Variants in C3 observed in about 807,000 individuals in gnomAD.
C3 encodes complement C3, also known as C3 and PZP-like alpha-2-macroglobulin domain-containing protein 1.
In C3, 97 loss-of-function variants were observed where a neutral mutation model predicts 207.9. The ratio of observed to expected loss-of-function variants is 0.47; its 90% CI spans 0.40 to 0.55. The LOEUF (loss-of-function observed/expected upper bound fraction) is 0.55, where lower values mean the gene tolerates loss of function less well. C3 is among the 20% of genes least tolerant of loss of function. C3 has a pLI of 0.00. For missense variants in C3, 1,684 were observed against 2,171.7 expected, an observed-to-expected ratio of 0.78 and a Z score of 4.46; for synonymous variants, 848 against 857.6, an observed-to-expected ratio of 0.99 and a Z score of 0.20.
Position 6,682,286 on chromosome 19 carries a change from C to T in C3, c.4173-57G>A, listed in dbSNP as rs946583070. The T allele has an allele frequency of 5.9e-6, 8 of 1,357,278 alleles. No homozygotes were observed. The African/African-American group carries it at 1.1e-4, about 19-fold the overall frequency. 84.1% of individuals were successfully genotyped at this position (1,357,278 alleles called of 1,614,324 possible). ...CCAAGGAGGGGTCAGCCCCAAGGGT[C>T]TGTTCCTGGACAAGGAGGTCTGATC... On this transcript the variant is annotated intron_variant, in intron 33 of 40. Coordinates refer to ENST00000245907, the MANE Select transcript of C3 (RefSeq NM_000064.4).
rs1568213384 is a variant in C3, at chr19:6,689,318, T to TTCTC, written c.3489+1310_3489+1311insGAGA. Among the ~76,000 whole-genome samples the TTCTC allele has an allele frequency of 1.7e-4, 19 of 111,754 alleles. No homozygotes were observed. The East Asian group carries it at 2.0e-3, about 12-fold the overall frequency. 73.3% of individuals were successfully genotyped at this position (111,754 alleles called of 152,430 possible). ...CCTCTCCTCTCTCTCTCTCTCTCTC[T>TTCTC]CTCTACCTACCTCCCTCCCTCCCTC... On this transcript the variant is annotated intron_variant, in intron 27 of 40. Transcript: ENST00000245907.
chr19:6,707,845 GC>G lies in C3; in HGVS notation c.1929del (p.Leu644Ter). On this transcript the variant is annotated frameshift_variant, in exon 15 of 41. Coordinates refer to ENST00000245907, the MANE Select transcript of C3 (RefSeq NM_000064.4). LOFTEE classifies it high-confidence loss of function. ...KDYAGVFSDA[G>X]LTFTSSSGQQ... ...TGGCCACTGCTGCTCGTGAAGGTCA[GC>G]CCTGCGTCGGAGAAGACACCGGCGT... 6.2e-7 allele frequency: 1 copy of G among 1,613,932 alleles called. No individual in the cohort carries two copies. Among genetic ancestry groups the G allele is most frequent in the Non-Finnish European group, 8.5e-7 (1 of 1,180,010 alleles).
chr19:6,690,044 C>A (rs1363526243), intron 27 of C3, among the ~76,000 whole-genome samples: 1 of 152,086 alleles, frequency 6.6e-6, no homozygotes. Context: ...AGACTCTCAG[C>A]GGCCCATCTT....
At chr19:6,678,834 T>TACAACCACACAGCCTCAC (rs1352634651) in intron 38 of C3, among the ~76,000 whole-genome samples, 12 of 152,110 alleles carry the variant, frequency 7.9e-5, no homozygotes, top group African/African-American at 2.7e-4. Flanking sequence ...CACTGCCATC[T>TACAACCACACAGCCTCAC]ACAACCACAC....
At position 6,702,215 on chromosome 19, in the gene C3, G is replaced by A. The variant is rs113252833; in HGVS notation, c.2355-3C>T. ...TATTCATGAGCTTCGTAGAGATTCT[G>A]GATGGAGAAGAGGTTGGGGTATTAG... On this transcript the variant is annotated splice_polypyrimidine_tract_variant and splice_region_variant and intron_variant, in intron 18 of 40. Transcript: ENST00000245907. 6.3e-7 allele frequency: 1 copy of A among 1,579,050 alleles called. No individual in the cohort carries two copies. Among genetic ancestry groups the A allele is most frequent in the Admixed American group, 1.7e-5 (1 of 59,968 alleles).
chr19:6,693,996 C>G (rs980149465), intron 24 of C3, among the ~76,000 whole-genome samples: 2 of 118,876 alleles, frequency 1.7e-5, no homozygotes, highest in Admixed American at 8.2e-5. Flanking sequence ...TGGGCATGGC[C>G]TTGAGGAGAG....
rs1339054344 is a variant in C3, at chr19:6,717,745, GTGT to G, written c.504+346_504+348del. The G allele has an allele frequency of 1.5e-4, 52 of 351,766 alleles. No homozygotes were observed. The East Asian group carries it at 1.5e-3, about 10-fold the overall frequency. The allele number at this position is 351,766 out of a possible 1,614,324, so 21.8% of individuals were successfully genotyped here. On this transcript the variant is annotated intron_variant, in intron 4 of 40. Coordinates refer to ENST00000245907, the MANE Select transcript of C3 (RefSeq NM_000064.4). Reference sequence around the variant, plus strand: ...TATTGTGTTGTGTGTGTTGTGTGTTGTGTGTGTGGTCATGCACGTTGTGCTGTG... The same window carrying G: ...TATTGTGTTGTGTGTGTTGTGTGTTGGTGTGGTCATGCACGTTGTGCTGTG...
Position 6,681,922 on chromosome 19 carries a change from G to A in C3, c.4350+19C>T. The A allele has an allele frequency of 6.3e-7, 1 of 1,596,386 alleles. No individual in the cohort carries two copies. Among genetic ancestry groups the A allele is most frequent in the Non-Finnish European group, 8.6e-7 (1 of 1,164,344 alleles). Reference sequence around the variant, plus strand: ...GGGTGCCCCTGGAAGCCTCCCAGGGGAGGATGATGCAGCCTTACCTTGTCC... The same window carrying A: ...GGGTGCCCCTGGAAGCCTCCCAGGGAAGGATGATGCAGCCTTACCTTGTCC... On this transcript the variant is annotated intron_variant, in intron 35 of 40. Transcript: ENST00000245907.
At position 6,712,395 on chromosome 19, in the gene C3, C is replaced by T. The variant is rs1967937459; in HGVS notation, c.1131G>A (p.Thr377=). 5 of 1,614,116 alleles carry T rather than the reference C, an allele frequency of 3.1e-6. No individual in the cohort carries two copies. The highest frequency in any genetic ancestry group is 2.2e-5 in the South Asian group (2 of 91,080). The change falls in exon 11 of 41, where the codon ACG becomes ACA. Residue 377 remains threonine (T), a synonymous_variant. Coordinates refer to ENST00000245907, the MANE Select transcript of C3 (RefSeq NM_000064.4). ...GGTAGGCTGGAGAGCCATCAGGGTT[C>T]GTCACGAACACCTGTGATGTGGGGT... ...GMPFDLMVFV[T]NPDGSPAYRV...
At position 6,718,145 on chromosome 19, in the gene C3, G is replaced by A. The variant is rs148870667; in HGVS notation, c.453C>T (p.Thr151=). The change falls in exon 4 of 41, where the codon ACC becomes ACT. Residue 151 remains threonine (T), a synonymous_variant. Transcript: ENST00000245907. ...CCACGGGTAGCAGCTTGTGGTTGAC[G>A]GTGAAGATCCGATAGAGAACTGGGG... ...PGSTVLYRIF[T]VNHKLLPVGR... is the part of the protein sequence containing the mutation. The A allele has an allele frequency of 7.4e-6, 12 of 1,614,042 alleles. No homozygotes were observed. In the African/African-American group the frequency reaches 8.0e-5, roughly 11 times the overall value.
In C3 at chr19:6,686,731, C is replaced by T. The variant is rs748766115; in HGVS notation, c.3646+15G>A. On this transcript the variant is annotated intron_variant, in intron 28 of 40. Transcript: ENST00000245907. The stretch of plus-strand genomic sequence containing the variant: ...AGCCATGCATCTCCCTTCACCCCTC[C>T]AGGCCAACCCTCACCTTTGGCTGTG... 6.8e-6 allele frequency: 11 copies of T among 1,612,934 alleles called. No homozygotes were observed. The Admixed American group carries it at 1.7e-4, about 24-fold the overall frequency.
At chr19:6,689,931 G>A (rs988267663) in intron 27 of C3, among the ~76,000 whole-genome samples, 7 of 152,230 alleles carry the variant, frequency 4.6e-5, no homozygotes, top group African/African-American at 1.7e-4. Context: ...GCAGTGAGCT[G>A]AGATCATGCC....
At chr19:6,686,400 G>A (rs969875409) in intron 28 of C3, 113 bp from the exon 29 acceptor site, 1 of 1,178,068 alleles carries the variant, frequency 8.5e-7, no homozygotes, top group East Asian at 2.3e-5. Flanking sequence ...TGGGTGTCCT[G>A]GCTGACATTC....
Position 6,696,472 on chromosome 19 carries a change from G to C in C3, c.2864-7C>G, listed in dbSNP as rs761516786. The stretch of plus-strand genomic sequence containing the variant: ...TCCTCTTTCTGCACTCCTTCTGCAG[G>C]GTGAGTGAGAGATACCGATGGCTCT... On this transcript the variant is annotated splice_region_variant and splice_polypyrimidine_tract_variant and intron_variant, in intron 22 of 40. Transcript: ENST00000245907. 1 of 1,610,796 alleles carries C rather than the reference G, an allele frequency of 6.2e-7. No individual in the cohort carries two copies. Among genetic ancestry groups the C allele is most frequent in the East Asian group, 2.2e-5 (1 of 44,838 alleles).
In C3 at chr19:6,718,375, C is replaced by A; in HGVS notation, c.305G>T (p.Arg102Leu). 4 of 1,614,216 alleles carry A rather than the reference C, an allele frequency of 2.5e-6. No individual in the cohort carries two copies. The highest frequency in any genetic ancestry group is 3.4e-6 in the Non-Finnish European group (4 of 1,180,034). The part of the protein sequence containing the change: ...ANREFKSEKG[R>L]NKFVTVQATF... Reference sequence around the variant, plus strand: ...GGCCTGCACGGTCACGAACTTGTTGCGCCCCTTTTCTGACTTGAACTCCCT... The same window carrying A: ...GGCCTGCACGGTCACGAACTTGTTGAGCCCCTTTTCTGACTTGAACTCCCT... Residue 102 changes from arginine (R) to leucine (L), a missense_variant, in exon 3 of 41, where the codon CGC becomes CTC. Physicochemically the swap from Arg to Leu is moderately radical, Grantham distance 102. Transcript: ENST00000245907.
chr19:6,697,794 C>T lies in C3; in HGVS notation c.2441G>A (p.Gly814Glu). The T allele has an allele frequency of 1.2e-6, 2 of 1,612,234 alleles. No individual in the cohort carries two copies. The highest frequency in any genetic ancestry group is 1.7e-6 in the Non-Finnish European group (2 of 1,179,572). The change falls in exon 20 of 41, where the codon GGG becomes GAG. Residue 814 changes from glycine to glutamate, a missense_variant and splice_region_variant. Physicochemically the swap from Gly to Glu is moderately conservative, Grantham distance 98. Around this residue, in one of 3 missense-constraint regions of C3, gnomAD observed 1,280 missense variants for 1,739.1 expected, o/e 0.74. Coordinates refer to ENST00000245907, the MANE Select transcript of C3 (RefSeq NM_000064.4). The stretch of plus-strand genomic sequence containing the variant: ...CTCGAAGGGGTCTGCCACACAGATC[C>T]CTGCTCGGGCAGAGACAGAACACGG... ...ILAVSMSDKK[G>E]ICVADPFEVT... is the part of the protein sequence containing the mutation.
At chr19:6,718,032 G>C (rs1484660205) in intron 4 of C3, 62 bp downstream of exon 4, 3 of 1,499,272 alleles carry the variant, frequency 2.0e-6, no homozygotes, top group Non-Finnish European at 9.3e-7. Context: ...TGTCTCTCTC[G>C]ATCTCTTTGC....
Position 6,680,015 on chromosome 19 carries a change from A to C in C3, c.4456+143T>G, listed in dbSNP as rs918631721. On this transcript the variant is annotated intron_variant, in intron 36 of 40. Transcript: ENST00000245907. ...CAACTCATAGATCCTTGGGACCCTCAGACCCGTGGGACCTTCATACTACGA... is the reference window on the plus strand; with the variant it reads ...CAACTCATAGATCCTTGGGACCCTCCGACCCGTGGGACCTTCATACTACGA... The C allele has an allele frequency of 3.8e-5, 26 of 691,394 alleles. 1 individual carries two copies. The Admixed American group carries it at 4.9e-4, about 13-fold the overall frequency. 42.8% of individuals were successfully genotyped at this position (691,394 alleles called of 1,614,324 possible). A position where few individuals can be genotyped will look rare whatever the true frequency, so the allele number is the denominator to read the frequency against.
At chr19:6,709,310 T>C (rs1335735171) in intron 14 of C3, among the ~76,000 whole-genome samples, 1 of 152,038 alleles carries the variant, frequency 6.6e-6, no homozygotes, top group Non-Finnish European at 1.5e-5. Flanking sequence ...TAGCTGGGCG[T>C]GGTGATGGGC....
Sources: allele counts gnomAD v4.1 joint callset (sites outside exome capture counted in the v4.1 genomes callset), GRCh38; gene constraint gnomAD v4.1.1; regional missense constraint gnomAD v4.1.1; transcripts MANE v1.5; gene names NCBI Gene and HGNC (gene_info 2026-07-23, HGNC 2026-07-21).